Variants in DPP10 observed in about 807,000 individuals in gnomAD.
DPP10 encodes the protein inactive dipeptidyl peptidase 10.
In DPP10, 33 loss-of-function variants were observed where a neutral mutation model predicts 120.9. The ratio of observed to expected loss-of-function variants is 0.27; its 90% CI spans 0.21 to 0.37. The LOEUF (loss-of-function observed/expected upper bound fraction) is 0.37. DPP10 is among the 10% of genes least tolerant of loss of function. The pLI, the probability that DPP10 is intolerant of heterozygous loss-of-function variation, is 1.00. For missense variants in DPP10, 816 were observed against 942.8 expected, an observed-to-expected ratio of 0.87 and a Z score of 1.76; for synonymous variants, 337 against 326.1, an observed-to-expected ratio of 1.03 and a Z score of -0.36.
intron 1 of DPP10, among the ~76,000 whole-genome samples, chr2:115,081,245 C>T (rs994756978): frequency 6.6e-6 from 1 of 152,110 alleles, no homozygotes; most frequent in Admixed American, 6.5e-5. Flanking sequence ...ATCTGGGACT[C>T]GGATTACATT....
chr2:115,366,826 G>A (rs1036665863), intron 3 of DPP10, among the ~76,000 whole-genome samples: 2 of 151,794 alleles, frequency 1.3e-5, no homozygotes, highest in Non-Finnish European at 1.5e-5. Flanking sequence ...TTTACTTATC[G>A]CTCCAATTCT....
chr2:114,790,164 C>T (rs769894744), intron 1 of DPP10, among the ~76,000 whole-genome samples: 1 of 152,176 alleles, frequency 6.6e-6, no homozygotes, highest in Non-Finnish European at 1.5e-5. Context: ...CTTTAAAAAG[C>T]TCAGCAACAG....
intron 3 of DPP10, among the ~76,000 whole-genome samples, chr2:115,493,362 TGTA>T (rs2076223993): frequency 6.6e-6 from 1 of 152,020 alleles, no homozygotes; most frequent in African/African-American, 2.4e-5. Context: ...AAAGTTTAAT[TGTA>T]GTACTGAGTT....
At chr2:114,944,970 A>G (rs1007793113) in intron 1 of DPP10, among the ~76,000 whole-genome samples, 1 of 152,228 alleles carries the variant, frequency 6.6e-6, no homozygotes, top group African/African-American at 2.4e-5. Context: ...AGGAGCAAAG[A>G]TGTTGCTGCA....
intron 1 of DPP10, among the ~76,000 whole-genome samples, chr2:114,842,168 T>TCTGAAAGGA (rs1029465272): frequency 6.6e-6 from 1 of 152,122 alleles, no homozygotes; most frequent in Non-Finnish European, 1.5e-5. Flanking sequence ...CAGGGATCTT[T>TCTGAAAGGA]CTGAAAGGAC....
At chr2:114,454,829 T>C (rs1036190519) in intron 1 of DPP10, among the ~76,000 whole-genome samples, 13 of 152,168 alleles carry the variant, frequency 8.5e-5, no homozygotes, top group Admixed American at 5.9e-4. Flanking sequence ...TTTCCTACCC[T>C]GTCTACCTTC....
At chr2:114,970,664 A>G (rs2104784541) in intron 1 of DPP10, among the ~76,000 whole-genome samples, 1 of 152,328 alleles carries the variant, frequency 6.6e-6, no homozygotes, top group South Asian at 2.1e-4. Context: ...GTATATTAAT[A>G]TGTGATCCTA....
intron 3 of DPP10, among the ~76,000 whole-genome samples, chr2:115,394,904 A>T (rs2067571541): frequency 6.6e-6 from 1 of 152,236 alleles, no homozygotes; most frequent in South Asian, 2.1e-4. Context: ...CAACGCTATC[A>T]GGAGTTGAGG....
chr2:115,779,425 T>C (rs1682490278), intron 15 of DPP10, among the ~76,000 whole-genome samples: 1 of 152,090 alleles, frequency 6.6e-6, no homozygotes, highest in Non-Finnish European at 1.5e-5. Context: ...ACTGGTTGAC[T>C]TAATATATGG....
At chr2:115,488,967 G>C (rs2075937598) in intron 3 of DPP10, among the ~76,000 whole-genome samples, 1 of 151,686 alleles carries the variant, frequency 6.6e-6, no homozygotes, top group South Asian at 2.1e-4. Context: ...CTTTTAGAGT[G>C]TATGGCTATT....
intron 3 of DPP10, among the ~76,000 whole-genome samples, chr2:115,372,889 T>A (rs550632266): frequency 1.3e-5 from 2 of 152,338 alleles, no homozygotes; most frequent in African/African-American, 4.8e-5. Flanking sequence ...CTTGCTTTTG[T>A]CACTGAAAAT....
At position 114,751,453 on chromosome 2, in the gene DPP10, CCTT is replaced by C. The variant is rs1679212899; in HGVS notation, c.60+308618_60+308620del. ...GCTACCTGTTTGGGCTGAGAAATGA[CCTT>C]CTGTGGACATCTAGGGAGTCTTGCC... is the stretch of plus-strand genomic sequence containing the variant. On this transcript the variant is annotated intron_variant, in intron 1 of 25. Transcript: ENST00000410059. 2.6e-5 allele frequency among the ~76,000 whole-genome samples: 4 copies of C among 152,314 alleles called. No homozygotes were observed. The South Asian group carries it at 8.3e-4, about 32-fold the overall frequency.
At chr2:115,291,003 C>T (rs577653865) in intron 1 of DPP10, among the ~76,000 whole-genome samples, 97 of 152,000 alleles carry the variant, frequency 6.4e-4, no homozygotes, top group Non-Finnish European at 1.1e-3. Flanking sequence ...GGCTTTGTCC[C>T]TGAGTTTATT....
intron 1 of DPP10, among the ~76,000 whole-genome samples, chr2:115,175,072 T>C (rs1212903824): frequency 6.6e-6 from 1 of 152,220 alleles, no homozygotes; most frequent in South Asian, 2.1e-4. Flanking sequence ...TGGTAGTTGT[T>C]CCTGGAGATG....
chr2:115,364,437 CATAAAG>C lies in DPP10; in HGVS notation c.271+20527_271+20532del, dbSNP rs566082668. Among the ~76,000 whole-genome samples the C allele has an allele frequency of 1.9e-3, 287 of 152,198 alleles. 6 individuals are homozygous for C. Among genetic ancestry groups the C allele is most frequent in the Middle Eastern group, 0.014 (4 of 294 alleles). ...ATACCAAGTGGCAGTGCTCAAATCACATAAAGAGGAGCCGTTGTTGCTTGTTCGCTA... is the reference window on the plus strand; with the variant it reads ...ATACCAAGTGGCAGTGCTCAAATCACAGGAGCCGTTGTTGCTTGTTCGCTA... On this transcript the variant is annotated intron_variant, in intron 3 of 25. Transcript: ENST00000410059.
chr2:114,911,625 C>A (rs960232631), intron 1 of DPP10, among the ~76,000 whole-genome samples: 1 of 152,164 alleles, frequency 6.6e-6, no homozygotes, highest in African/African-American at 2.4e-5. Flanking sequence ...TGAGAAGAAA[C>A]CAGCCAAGAC....
At chr2:115,245,144 T>G (rs2105609196) in intron 1 of DPP10, among the ~76,000 whole-genome samples, 1 of 152,208 alleles carries the variant, frequency 6.6e-6, no homozygotes, top group Middle Eastern at 3.4e-3. Flanking sequence ...GATCTCCAAC[T>G]CCATTTGGGT....
rs149864843 is a variant in DPP10, at chr2:115,836,533, G to A, written c.2077G>A (p.Gly693Arg). 4 of 1,613,450 alleles carry A rather than the reference G, an allele frequency of 2.5e-6. No homozygotes were observed. In the African/African-American group the frequency reaches 5.3e-5, roughly 22 times the overall value. Residue 693 changes from glycine to arginine, a missense_variant, in exon 23 of 26, where the codon GGG (glycine) becomes AGG (arginine). Gly to Arg is a moderately radical substitution (Grantham distance 125). Transcript: ENST00000410059. ...YASAFSERYL[G>R]MPSKEESTYQ... ...CTCAGCTTTCTCTGAAAGATACCTT[G>A]GGATGCCATCTAAGGAAGAAAGCAC...
intron 1 of DPP10, among the ~76,000 whole-genome samples, chr2:114,763,916 A>T (rs1336881845): frequency 1.3e-5 from 2 of 152,190 alleles, no homozygotes; most frequent in Non-Finnish European, 2.9e-5. Flanking sequence ...CTCTGATAAG[A>T]TCCTAGACCC....
Sources: allele counts gnomAD v4.1 joint callset (sites outside exome capture counted in the v4.1 genomes callset), GRCh38; gene constraint gnomAD v4.1.1; transcripts MANE v1.5; gene names NCBI Gene and HGNC (gene_info 2026-07-23, HGNC 2026-07-21).